The following ST6GALNAC3 variants were observed in gnomAD, a reference collection of about 807,000 sequenced individuals.
ST6GALNAC3 encodes the protein ST6 N-acetylgalactosaminide alpha-2,6-sialyltransferase 3.
ST6GALNAC3 carries 25 observed loss-of-function variants against 32.7 expected under a neutral mutation model. That is an observed-to-expected ratio of 0.76 (90% CI 0.56 to 1.07). The LOEUF is 1.07. Ranked by LOEUF, ST6GALNAC3 falls within the 50% of genes least tolerant of loss-of-function variation. The pLI, the probability that ST6GALNAC3 is intolerant of heterozygous loss-of-function variation, is 0.00. For synonymous variants in ST6GALNAC3, 129 were observed against 133.1 expected, an observed-to-expected ratio of 0.97 and a Z score of 0.21; for missense variants, 355 against 382.4, an observed-to-expected ratio of 0.93 and a Z score of 0.60.
At chr1:76,284,375 A>G (rs1044979827) in intron 1 of ST6GALNAC3, among the ~76,000 whole-genome samples, 4 of 152,210 alleles carry the variant, frequency 2.6e-5, no homozygotes, top group African/African-American at 9.6e-5. Flanking sequence ...TGAGGGGCAC[A>G]TTGGACATAT....
intron 1 of ST6GALNAC3, among the ~76,000 whole-genome samples, chr1:76,232,269 G>A (rs1317853073): frequency 6.6e-6 from 1 of 152,230 alleles, no homozygotes; most frequent in Non-Finnish European, 1.5e-5. Flanking sequence ...TCCAGAGTTT[G>A]TAGTATTTAT....
chr1:76,183,801 G>A (rs1653344116), intron 1 of ST6GALNAC3, among the ~76,000 whole-genome samples: 1 of 146,142 alleles, frequency 6.8e-6, no homozygotes, highest in Admixed American at 6.8e-5. Flanking sequence ...ATAGTCTTAT[G>A]GGATCAGCAT....
At chr1:76,479,076 A>T (rs1659557008) in intron 3 of ST6GALNAC3, among the ~76,000 whole-genome samples, 1 of 152,004 alleles carries the variant, frequency 6.6e-6, no homozygotes, top group Non-Finnish European at 1.5e-5. Context: ...TTAATTTCTA[A>T]GAGTCTTCCT....
At chr1:76,378,803 TG>T (rs1276522213) in intron 2 of ST6GALNAC3, among the ~76,000 whole-genome samples, 3 of 152,166 alleles carry the variant, frequency 2.0e-5, no homozygotes, top group African/African-American at 7.2e-5. Context: ...CTTAGGGTGG[TG>T]TTTTTTTGTT....
At chr1:76,626,872 A>G (rs1010876426) in intron 3 of ST6GALNAC3, among the ~76,000 whole-genome samples, 1 of 151,946 alleles carries the variant, frequency 6.6e-6, no homozygotes, top group Non-Finnish European at 1.5e-5. Flanking sequence ...ACAATGAAGA[A>G]GTTGGTAACA....
chr1:76,459,203 G>C (rs1003404631), intron 3 of ST6GALNAC3, among the ~76,000 whole-genome samples: 1 of 152,096 alleles, frequency 6.6e-6, no homozygotes, highest in Admixed American at 6.6e-5. Flanking sequence ...TTTGATTCAG[G>C]ATGATCTGAC....
chr1:76,369,505 C>G (rs1650648049), intron 2 of ST6GALNAC3, among the ~76,000 whole-genome samples: 2 of 152,138 alleles, frequency 1.3e-5, no homozygotes. Flanking sequence ...GAAGCTGAGG[C>G]ACAGAGATGT....
At chr1:76,160,418 G>T (rs144708955) in intron 1 of ST6GALNAC3, among the ~76,000 whole-genome samples, 2 of 152,156 alleles carry the variant, frequency 1.3e-5, no homozygotes, top group Admixed American at 6.5e-5. Flanking sequence ...GGAAGGCCTC[G>T]CAATAGTCTA....
intron 3 of ST6GALNAC3, among the ~76,000 whole-genome samples, chr1:76,416,302 G>A (rs759079206): frequency 6.6e-6 from 1 of 152,034 alleles, no homozygotes; most frequent in African/African-American, 2.4e-5. Flanking sequence ...AGAGAATAAG[G>A]GGTGTCCATT....
At chr1:76,564,544 A>C (rs2100449546) in intron 3 of ST6GALNAC3, among the ~76,000 whole-genome samples, 1 of 151,856 alleles carries the variant, frequency 6.6e-6, no homozygotes, top group African/African-American at 2.4e-5. Context: ...AAGACAACAA[A>C]CCAGGCTCAA....
intron 1 of ST6GALNAC3, among the ~76,000 whole-genome samples, chr1:76,166,892 G>A (rs1414570175): frequency 6.6e-6 from 1 of 152,160 alleles, no homozygotes; most frequent in Non-Finnish European, 1.5e-5. Context: ...TCAGCTTAAG[G>A]AGCTTTTGGG....
intron 3 of ST6GALNAC3, among the ~76,000 whole-genome samples, chr1:76,591,786 T>G (rs751174616): frequency 2.0e-5 from 3 of 152,140 alleles, no homozygotes; most frequent in Non-Finnish European, 4.4e-5. Flanking sequence ...AGGTCATATG[T>G]GAGCAGAATT....
At chr1:76,397,624 T>A (rs1653075972) in intron 2 of ST6GALNAC3, among the ~76,000 whole-genome samples, 1 of 152,098 alleles carries the variant, frequency 6.6e-6, no homozygotes, top group African/African-American at 2.4e-5. Context: ...TCTGCCCACC[T>A]CAGCCTCCCA....
chr1:76,118,765 T>G (rs1203237063), intron 1 of ST6GALNAC3, among the ~76,000 whole-genome samples: 1 of 152,232 alleles, frequency 6.6e-6, no homozygotes, highest in Non-Finnish European at 1.5e-5. Context: ...TCTCATTTCC[T>G]GTGCACATTC....
intron 1 of ST6GALNAC3, among the ~76,000 whole-genome samples, chr1:76,273,837 A>G (rs995355093): frequency 2.6e-5 from 4 of 152,190 alleles, no homozygotes; most frequent in African/African-American, 9.6e-5. Flanking sequence ...TAGTTATGTT[A>G]TGGAATGATG....
At chr1:76,611,082 T>TATATATAC (rs34022589) in intron 3 of ST6GALNAC3, among the ~76,000 whole-genome samples, 5 of 151,774 alleles carry the variant, frequency 3.3e-5, no homozygotes, top group African/African-American at 1.2e-4. Context: ...TATATATATA[T>TATATATAC]ACACACACAC....
intron 3 of ST6GALNAC3, among the ~76,000 whole-genome samples, chr1:76,522,315 A>G (rs1662593657): frequency 6.6e-6 from 1 of 151,968 alleles, no homozygotes; most frequent in Non-Finnish European, 1.5e-5. Flanking sequence ...ATTTTTTTGA[A>G]TTTATGGATT....
At chr1:76,233,116 A>G (rs1205985191) in intron 1 of ST6GALNAC3, among the ~76,000 whole-genome samples, 1 of 152,186 alleles carries the variant, frequency 6.6e-6, no homozygotes, top group Non-Finnish European at 1.5e-5. Context: ...CATTGTTACC[A>G]CACCCATTCT....
intron 2 of ST6GALNAC3, among the ~76,000 whole-genome samples, chr1:76,398,536 A>G (rs1444321795): frequency 6.6e-6 from 1 of 152,098 alleles, no homozygotes; most frequent in South Asian, 2.1e-4. Context: ...GCTTTATTCT[A>G]TCTGGCTTTT....
Sources: allele counts gnomAD v4.1 joint callset (sites outside exome capture counted in the v4.1 genomes callset), GRCh38; gene constraint gnomAD v4.1.1; transcripts MANE v1.5; gene names NCBI Gene and HGNC (gene_info 2026-07-23, HGNC 2026-07-21).